The following GPR89A variants were observed in gnomAD, a reference collection of about 807,000 sequenced individuals.
The protein encoded by GPR89A is G protein-coupled receptor 89A.
In GPR89A, 16 loss-of-function variants were observed where a neutral mutation model predicts 52.0. The observed-to-expected ratio is 0.31, with a 90% CI of 0.21 to 0.47. The LOEUF is 0.47. Ranked by LOEUF, GPR89A falls within the 20% of genes least tolerant of loss-of-function variation. The pLI, the probability that GPR89A is intolerant of heterozygous loss-of-function variation, is 1.00. For synonymous variants in GPR89A, 55 were observed against 150.9 expected (o/e 0.36, Z 4.66); for missense variants, 135 against 449.4 (o/e 0.30, Z 6.33).
At chr1:145,668,868 A>G (rs1462943356) in intron 12 of GPR89A, among the ~76,000 whole-genome samples, 3 of 152,116 alleles carry the variant, frequency 2.0e-5, no homozygotes, top group Admixed American at 6.5e-5. Flanking sequence ...ATGCTGGATT[A>G]TGTTTATTGA....
chr1:145,642,797 C>G (rs1277680357), intron 7 of GPR89A, among the ~76,000 whole-genome samples: 1 of 151,056 alleles, frequency 6.6e-6, no homozygotes, highest in African/African-American at 2.5e-5. Context: ...AGGCCTTGGC[C>G]CATTAAACCC....
intron 5 of GPR89A, among the ~76,000 whole-genome samples, chr1:145,625,560 C>T (rs1304985650): frequency 2.0e-5 from 3 of 147,614 alleles, no homozygotes; most frequent in Non-Finnish European, 4.4e-5. Flanking sequence ...AGGATGGTCT[C>T]GAACTCCTGA....
At chr1:145,635,529 A>T (rs113031177) in intron 7 of GPR89A, among the ~76,000 whole-genome samples, 1 of 152,200 alleles carries the variant, frequency 6.6e-6, no homozygotes. Context: ...ATTTACATTT[A>T]TTGTTTATTT....
intron 7 of GPR89A, among the ~76,000 whole-genome samples, chr1:145,632,619 C>T (rs1345658643): frequency 6.6e-6 from 1 of 152,178 alleles, no homozygotes; most frequent in African/African-American, 2.4e-5. Context: ...TACATGTATG[C>T]CATATCTTTT....
intron 5 of GPR89A, among the ~76,000 whole-genome samples, chr1:145,626,232 C>T (rs1559029782): frequency 6.6e-6 from 1 of 151,290 alleles, no homozygotes; most frequent in Non-Finnish European, 1.5e-5. Flanking sequence ...GCTGACAGGG[C>T]AAATACAGTC....
chr1:145,627,968 G>A (rs1318989422), intron 5 of GPR89A, among the ~76,000 whole-genome samples: 1 of 150,288 alleles, frequency 6.7e-6, no homozygotes, highest in Non-Finnish European at 1.5e-5. Flanking sequence ...TATTGTTAGG[G>A]TGATTATGTC....
chr1:145,658,687 A>AT (rs1296194655), intron 10 of GPR89A, among the ~76,000 whole-genome samples: 2 of 150,374 alleles, frequency 1.3e-5, no homozygotes, highest in African/African-American at 4.9e-5. Flanking sequence ...GGTACACCAC[A>AT]TTTTTTATCC....
At chr1:145,659,069 G>C (rs1195313900) in intron 10 of GPR89A, among the ~76,000 whole-genome samples, 1 of 152,042 alleles carries the variant, frequency 6.6e-6, no homozygotes, top group Non-Finnish European at 1.5e-5. Context: ...GAGCCACCAT[G>C]CCCAGCCTCG....
intron 7 of GPR89A, among the ~76,000 whole-genome samples, chr1:145,635,590 A>G (rs1428216812): frequency 6.6e-6 from 1 of 152,228 alleles, no homozygotes; most frequent in Non-Finnish European, 1.5e-5. Flanking sequence ...AAGATTATTC[A>G]AAAGTGAAAG....
rs190549976 is a variant in GPR89A at position 145,639,457 on chromosome 1, C to T, written c.618-4412C>T. On this transcript the variant is annotated intron_variant, in intron 7 of 13. Transcript: ENST00000313835. ...AACAGAAAAGAGAACCCAGAAATAC[C>T]GACACATGGCCAGGCACAGTGGCTC... Among the ~76,000 whole-genome samples, 54 of 151,992 alleles carry T rather than the reference C, an allele frequency of 3.6e-4. No homozygotes were observed. The East Asian group carries it at 9.1e-3, about 26-fold the overall frequency.
chr1:145,647,809 C>CT (rs1292306089), intron 10 of GPR89A, among the ~76,000 whole-genome samples: 3 of 494 alleles, frequency 6.1e-3, no homozygotes, highest in Admixed American at 0.071. Context: ...ATCTCTCTCT[C>CT]TCTCTTCGTC....
chr1:145,617,814 A>T (rs1553687330), intron 2 of GPR89A, among the ~76,000 whole-genome samples: 1 of 152,158 alleles, frequency 6.6e-6, no homozygotes, highest in Non-Finnish European at 1.5e-5. Context: ...TAATAAGATC[A>T]GTGGTTATAG....
Position 145,670,371 on chromosome 1 carries a change from G to C in GPR89A, c.*331G>C. 1.5e-6 allele frequency: 1 copy of C among 687,988 alleles called. No individual in the cohort carries two copies. The highest frequency in any genetic ancestry group is 2.2e-6 in the Non-Finnish European group (1 of 447,682). The allele number at this position is 687,988 out of a possible 1,614,324, so 42.6% of individuals were successfully genotyped here. ...GGGGCAAGACATGTCTATGGTAGCT[G>C]AGCCAAACACGTAGGATTTCCGTTT... is the stretch of plus-strand genomic sequence containing the variant. On this transcript the variant is annotated 3_prime_UTR_variant, in exon 14 of 14. Coordinates refer to ENST00000313835, the MANE Select transcript of GPR89A (RefSeq NM_001097612.2).
intron 11 of GPR89A, 75 bp downstream of exon 11, chr1:145,663,499 A>G: frequency 6.3e-7 from 1 of 1,596,938 alleles, no homozygotes; most frequent in Non-Finnish European, 8.5e-7. Flanking sequence ...TTAAGATTCT[A>G]ATTTGTATAC....
In GPR89A at chr1:145,638,912, C is replaced by T. The variant is rs1349461710; in HGVS notation, c.618-4957C>T. Among the ~76,000 whole-genome samples the T allele has an allele frequency of 2.0e-5, 3 of 147,458 alleles. 1 individual carries two copies. Among genetic ancestry groups the T allele is most frequent in the African/African-American group, 5.3e-5 (2 of 37,804 alleles). ...CTAAAGCGAGAGGATTGTTTGAGCC[C>T]AGGAGTTTGAGTGCAGCCTGAGAGC... On this transcript the variant is annotated intron_variant, in intron 7 of 13. Transcript: ENST00000313835.
At chr1:145,664,556 A>AGCTT (rs1370321626) in intron 11 of GPR89A, among the ~76,000 whole-genome samples, 1 of 148,606 alleles carries the variant, frequency 6.7e-6, no homozygotes, top group Non-Finnish European at 1.5e-5. Context: ...AGGCTAAAGC[A>AGCTT]GGAGGATCAC....
At chr1:145,645,491 G>C in intron 8 of GPR89A, 1 of 428,012 alleles carries the variant, frequency 2.3e-6, no homozygotes, top group Non-Finnish European at 4.6e-6. Flanking sequence ...CTGAGCCCCT[G>C]TTCTCTAAAT....
chr1:145,608,446 C>T (rs1368672322), intron 1 of GPR89A: 24 of 636,064 alleles, frequency 3.8e-5, no homozygotes, highest in Non-Finnish European at 6.0e-5. Context: ...CGCCGACCTC[C>T]AGGCTAAGAG....
intron 7 of GPR89A, among the ~76,000 whole-genome samples, chr1:145,633,073 GC>G (rs1553690160): frequency 7.2e-6 from 1 of 138,850 alleles, no homozygotes; most frequent in African/African-American, 2.9e-5. Context: ...CAGGTTCCTT[GC>G]CCATTTAAAA....
Sources: gnomAD v4.1 joint callset for allele counts (sites outside exome capture counted in the v4.1 genomes callset) on GRCh38, gnomAD v4.1.1 for gene constraint, MANE v1.5 for transcripts, NCBI Gene and HGNC (gene_info 2026-07-23, HGNC 2026-07-21) for gene names.